Variants in TTBK2 observed in about 807,000 individuals in gnomAD.
TTBK2 encodes the protein tau tubulin kinase 2.
In TTBK2, 28 loss-of-function variants were observed where a neutral mutation model predicts 110.8. The observed-to-expected ratio is 0.25, with a 90% CI of 0.19 to 0.35. The LOEUF (loss-of-function observed/expected upper bound fraction) is 0.35. Ranked by LOEUF, TTBK2 falls within the 10% of genes least tolerant of loss-of-function variation. The pLI is 1.00. For synonymous variants in TTBK2, 532 were observed against 527.3 expected, an observed-to-expected ratio of 1.01 and a Z score of -0.12; for missense variants, 1,369 against 1,500.3, an observed-to-expected ratio of 0.91 and a Z score of 1.45.
chr15:42,918,138 C>T (rs190795636), intron 1 of TTBK2, among the ~76,000 whole-genome samples: 7 of 152,084 alleles, frequency 4.6e-5, no homozygotes, highest in African/African-American at 1.7e-4. Context: ...TGCAGTGGAG[C>T]GATCACAGAT....
chr15:42,828,235 T>C (rs1487871812), intron 5 of TTBK2, among the ~76,000 whole-genome samples: 1 of 151,822 alleles, frequency 6.6e-6, no homozygotes, highest in East Asian at 1.9e-4. Flanking sequence ...CAGGTAAACT[T>C]TGAGCAAAAA....
intron 10 of TTBK2, among the ~76,000 whole-genome samples, chr15:42,784,136 C>CT (rs1890306706): frequency 6.6e-6 from 1 of 151,586 alleles, no homozygotes; most frequent in African/African-American, 2.4e-5. Flanking sequence ...CGAAATAAAA[C>CT]TTTAAAATTT....
intron 1 of TTBK2, among the ~76,000 whole-genome samples, chr15:42,911,092 A>C (rs1339471754): frequency 2.0e-5 from 3 of 152,058 alleles, no homozygotes; most frequent in Non-Finnish European, 4.4e-5. Flanking sequence ...AACCTACATC[A>C]ATTTGTAAGG....
intron 3 of TTBK2, among the ~76,000 whole-genome samples, chr15:42,852,446 A>G (rs1893757328): frequency 6.6e-6 from 1 of 152,218 alleles, no homozygotes; most frequent in African/African-American, 2.4e-5. Flanking sequence ...GTATAAAGGG[A>G]AAAAGTAAAA....
intron 13 of TTBK2, among the ~76,000 whole-genome samples, chr15:42,771,211 G>A (rs1200365648): frequency 2.0e-5 from 3 of 151,956 alleles, no homozygotes; most frequent in African/African-American, 4.8e-5. Flanking sequence ...CTGACCTCGT[G>A]ATCCGCCAGC....
At chr15:42,821,051 A>C (rs1892271639) in intron 6 of TTBK2, among the ~76,000 whole-genome samples, 1 of 152,200 alleles carries the variant, frequency 6.6e-6, no homozygotes, top group African/African-American at 2.4e-5. Context: ...AAAGAAAAAA[A>C]AAAAGAATGA....
intron 1 of TTBK2, among the ~76,000 whole-genome samples, chr15:42,913,870 A>G (rs2030932112): frequency 6.6e-6 from 1 of 152,206 alleles, no homozygotes; most frequent in Non-Finnish European, 1.5e-5. Context: ...CTATAACCAA[A>G]TCAACCGAGC....
chr15:42,874,298 CTTTATTTTTTTATTTTT>C (rs1268838127), intron 2 of TTBK2, among the ~76,000 whole-genome samples: 3 of 151,622 alleles, frequency 2.0e-5, no homozygotes, highest in African/African-American at 4.9e-5. Context: ...CATAATCCTT[CTTTATTTTTTTATTTTT>C]TTTATTTTTT....
At chr15:42,820,908 T>C (rs747905806) in intron 6 of TTBK2, among the ~76,000 whole-genome samples, 23 of 151,994 alleles carry the variant, frequency 1.5e-4, no homozygotes, top group Non-Finnish European at 2.9e-4. Context: ...TACCAGCTAC[T>C]TGGGAGGCTG....
chr15:42,881,650 G>C (rs1256945687), intron 1 of TTBK2, among the ~76,000 whole-genome samples: 1 of 152,036 alleles, frequency 6.6e-6, no homozygotes, highest in Non-Finnish European at 1.5e-5. Context: ...GAGGCAGGCA[G>C]ATCACAAGGT....
chr15:42,800,682 A>G (rs1891144186), intron 9 of TTBK2, among the ~76,000 whole-genome samples: 1 of 152,158 alleles, frequency 6.6e-6, no homozygotes, highest in Non-Finnish European at 1.5e-5. Flanking sequence ...GCCCCACTTC[A>G]GTGATAAGTA....
At chr15:42,783,735 T>C in intron 10 of TTBK2, 100 bp from the exon 11 acceptor site, 1 of 865,178 alleles carries the variant, frequency 1.2e-6, no homozygotes, top group Non-Finnish European at 1.7e-6. Context: ...CACACATAAT[T>C]AAGAGAGTTA....
intron 3 of TTBK2, among the ~76,000 whole-genome samples, chr15:42,850,493 C>T (rs953019002): frequency 6.6e-6 from 1 of 152,162 alleles, no homozygotes; most frequent in East Asian, 1.9e-4. Flanking sequence ...AGAATTTTGC[C>T]CAGGTTTTTA....
At chr15:42,858,068 CA>C (rs541955414) in intron 3 of TTBK2, among the ~76,000 whole-genome samples, 20 of 149,320 alleles carry the variant, frequency 1.3e-4, no homozygotes, top group South Asian at 2.1e-4. Flanking sequence ...GACCTTGTCT[CA>C]AAAAAAAACC....
rs193132257 is a variant in TTBK2, at chr15:42,758,513, G to A, written c.1999-5266C>T. On this transcript the variant is annotated intron_variant, in intron 13 of 14. Coordinates refer to ENST00000267890, the MANE Select transcript of TTBK2 (RefSeq NM_173500.4). Reference sequence around the variant, plus strand: ...TCTACTAAAAATACAAAATTAGCCAGGCATGGTGGCACATGCCTGTAATCC... The same window carrying A: ...TCTACTAAAAATACAAAATTAGCCAAGCATGGTGGCACATGCCTGTAATCC... Among the ~76,000 whole-genome samples, 390 of 152,120 alleles carry A rather than the reference G, an allele frequency of 2.6e-3. 1 individual carries two copies. The highest frequency in any genetic ancestry group is 6.8e-3 in the Middle Eastern group (2 of 292).
chr15:42,777,536 G>A (rs1277027756), intron 11 of TTBK2, among the ~76,000 whole-genome samples: 2 of 152,190 alleles, frequency 1.3e-5, no homozygotes, highest in South Asian at 2.1e-4. Flanking sequence ...TGTCTGACAT[G>A]AGGCTTGTAG....
chr15:42,772,442 C>A (rs1889718889), intron 13 of TTBK2, among the ~76,000 whole-genome samples: 1 of 152,176 alleles, frequency 6.6e-6, no homozygotes, highest in Non-Finnish European at 1.5e-5. Context: ...GAGAGCTTGA[C>A]AACCACCTCA....
At chr15:42,772,125 T>C (rs567187084) in intron 13 of TTBK2, among the ~76,000 whole-genome samples, 72 of 152,146 alleles carry the variant, frequency 4.7e-4, no homozygotes, top group African/African-American at 1.6e-3. Flanking sequence ...GCGTTGGTCT[T>C]TGTGACTAAT....
intron 3 of TTBK2, chr15:42,857,370 A>C (rs1229836913): frequency 6.6e-6 from 1 of 152,082 alleles, no homozygotes. Context: ...TTTTTAAAAA[A>C]TTAGTTGTGC....
Sources: gnomAD v4.1 joint callset for allele counts (sites outside exome capture counted in the v4.1 genomes callset) on GRCh38, gnomAD v4.1.1 for gene constraint, MANE v1.5 for transcripts, NCBI Gene and HGNC (gene_info 2026-07-23, HGNC 2026-07-21) for gene names.